Variants in DHX58 observed in about 807,000 individuals in gnomAD.
DHX58 encodes the protein DExH-box helicase 58, also known as ATP-dependent RNA helicase DHX58.
DHX58 carries 51 observed loss-of-function variants against 65.0 expected under a neutral mutation model. That is an observed-to-expected ratio of 0.78 (90% CI 0.63 to 0.99). The LOEUF (loss-of-function observed/expected upper bound fraction) is 0.99. Ranked by LOEUF, DHX58 falls within the 50% of genes least tolerant of loss-of-function variation. The pLI, the probability that DHX58 is intolerant of heterozygous loss-of-function variation, is 0.00. For synonymous variants in DHX58, 350 were observed against 365.0 expected, an observed-to-expected ratio of 0.96 and a Z score of 0.47; for missense variants, 773 against 891.8, an observed-to-expected ratio of 0.87 and a Z score of 1.70.
chr17:42,102,526 C>T (rs564458097), intron 12 of DHX58: 169 of 536,016 alleles, frequency 3.2e-4, no homozygotes, highest in African/African-American at 2.9e-3. Flanking sequence ...GCCTCAGCAT[C>T]GGTTACCTGG....
intron 9 of DHX58, 41 bp from the exon 10 acceptor site, chr17:42,105,208 G>C: frequency 3.2e-6 from 5 of 1,564,866 alleles, no homozygotes; most frequent in Non-Finnish European, 4.3e-6. Flanking sequence ...GCTGGTACAT[G>C]AGGAGGCTCA....
At position 42,104,747 on chromosome 17, in the gene DHX58, A is replaced by T. The variant is rs1325713473; in HGVS notation, c.1563+19T>A. The T allele has an allele frequency of 6.2e-7, 1 of 1,612,716 alleles. No individual in the cohort carries two copies. Among genetic ancestry groups the T allele is most frequent in the Non-Finnish European group, 8.5e-7 (1 of 1,179,614 alleles). On this transcript the variant is annotated intron_variant, in intron 11 of 13. Coordinates refer to ENST00000251642, the MANE Select transcript of DHX58 (RefSeq NM_024119.3). ...CTCCTCCCCATCCCTCCCACAGGGCATGCAGGCTGCCTGCAGACCTTGGCC... is the reference window on the plus strand; with the variant it reads ...CTCCTCCCCATCCCTCCCACAGGGCTTGCAGGCTGCCTGCAGACCTTGGCC...
chr17:42,107,965 A>G lies in DHX58; in HGVS notation c.805+17T>C. On this transcript the variant is annotated intron_variant, in intron 7 of 13. Transcript: ENST00000251642. ...CTCCCACATCCTCGCCTCCGCCAGA[A>G]GGGCTGCCCCTCTCACCAGCCTCAC... 6.2e-7 allele frequency: 1 copy of G among 1,614,012 alleles called. No individual in the cohort carries two copies.
chr17:42,109,386 G>C lies in DHX58; in HGVS notation c.562C>G (p.Leu188Val), dbSNP rs1294952152. ...LDGAINHVLQ[L>V]CANLDTWCIM... ...CACCACGTGTCCAAGTTGGCACAGAGCTGGGGGCAACAGAGGACTTTACTG... is the reference window on the plus strand; with the variant it reads ...CACCACGTGTCCAAGTTGGCACAGACCTGGGGGCAACAGAGGACTTTACTG... Residue 188 changes from leucine (L) to valine (V), a missense_variant and splice_region_variant, in exon 6 of 14, where the codon CTC (leucine) becomes GTC (valine). By Grantham distance (32) the Leu-to-Val change is conservative (BLOSUM62 1). Transcript: ENST00000251642. 6.2e-7 allele frequency: 1 copy of C among 1,612,942 alleles called. No individual in the cohort carries two copies. Among genetic ancestry groups the C allele is most frequent in the Non-Finnish European group, 8.5e-7 (1 of 1,179,406 alleles).
chr17:42,111,516 C>A lies in DHX58; in HGVS notation c.169-19G>T. The A allele has an allele frequency of 6.2e-7, 1 of 1,612,370 alleles. No individual in the cohort carries two copies. On this transcript the variant is annotated intron_variant, in intron 3 of 13. Coordinates refer to ENST00000251642, the MANE Select transcript of DHX58 (RefSeq NM_024119.3). ...GGTGCACCTGGGGGTGGAGAATGAG[C>A]TGGGAAAAGAGAGCTGAATCTGGGG...
chr17:42,104,796 C>T lies in DHX58; in HGVS notation c.1533G>A (p.Gln511=), dbSNP rs1555662218. Residue 511 remains glutamine, a synonymous_variant, in exon 11 of 14, where the codon CAG becomes CAA. Transcript: ENST00000251642. ...CCTGGTACTCGGCCTGGTCCATTTT[C>T]TGCACAGCAGCCACTGCCTGCTCCA... ...TLMEQAVAAV[Q]KMDQAEYQAK... 6.2e-7 allele frequency: 1 copy of T among 1,614,068 alleles called. No homozygotes were observed. Among genetic ancestry groups the T allele is most frequent in the Non-Finnish European group, 8.5e-7 (1 of 1,180,012 alleles).
intron 3 of DHX58, 80 bp from the exon 4 acceptor site, chr17:42,111,577 C>A: frequency 6.3e-7 from 1 of 1,590,960 alleles, no homozygotes; most frequent in Non-Finnish European, 8.6e-7. Flanking sequence ...ACCCGCAGGA[C>A]ATGGCTGGGT....
Position 42,104,890 on chromosome 17 carries a change from G to T in DHX58, c.1439C>A (p.Ala480Glu), listed in dbSNP as rs774769302. Reference sequence around the variant, plus strand: ...CCGGCTACCTTCAGTTGCTACAAACGCGTATACACTCTGATCGGCCCGGGC... The same window carrying T: ...CCGGCTACCTTCAGTTGCTACAAACTCGTATACACTCTGATCGGCCCGGGC... ...GRARADQSVY[A>E]FVATEGSREL... Residue 480 changes from alanine to glutamate, a missense_variant, in exon 11 of 14, where the codon GCG becomes GAG. By Grantham distance (107) the Ala-to-Glu change is moderately radical (BLOSUM62 -1). Transcript: ENST00000251642. The T allele has an allele frequency of 3.1e-6, 5 of 1,614,012 alleles. No individual in the cohort carries two copies. The African/African-American group carries it at 4.0e-5, about 13-fold the overall frequency.
In DHX58 at chr17:42,102,547, C is replaced by T. The variant is rs1167244545; in HGVS notation, c.1755-235G>A. The T allele has an allele frequency of 1.2e-5, 6 of 501,350 alleles. No individual in the cohort carries two copies. The Admixed American group carries it at 2.0e-4, about 17-fold the overall frequency. 31.1% of individuals were successfully genotyped at this position (501,350 alleles called of 1,614,324 possible). A position where few individuals can be genotyped will look rare whatever the true frequency, so the allele number is the denominator to read the frequency against. ...GCATCGGTTACCTGGTCTTCACAGT[C>T]TCCTTATGGGTCTCTCTGCCTCCAT... On this transcript the variant is annotated intron_variant, in intron 12 of 13. Transcript: ENST00000251642.
intron 4 of DHX58, 138 bp from the exon 5 acceptor site, chr17:42,111,051 G>C (rs1598221939): frequency 1.2e-5 from 13 of 1,111,594 alleles, no homozygotes; most frequent in Non-Finnish European, 1.4e-5. Flanking sequence ...TGAGGAGCCA[G>C]GCAGGGAAGA....
rs547408867 is a variant in DHX58, at chr17:42,105,619, C to G, written c.1251+117G>C. ...TGCCCCTCTGCCTGGGGATAGTCAACTTTCTCTTTCCCCAGGGTCTCCCTG... is the reference window on the plus strand; with the variant it reads ...TGCCCCTCTGCCTGGGGATAGTCAAGTTTCTCTTTCCCCAGGGTCTCCCTG... On this transcript the variant is annotated intron_variant, in intron 9 of 13. Coordinates refer to ENST00000251642, the MANE Select transcript of DHX58 (RefSeq NM_024119.3). 2.2e-5 allele frequency: 32 copies of G among 1,472,480 alleles called. No individual in the cohort carries two copies. The South Asian group carries it at 4.2e-4, about 19-fold the overall frequency. 91.2% of individuals were successfully genotyped at this position (1,472,480 alleles called of 1,614,324 possible).
chr17:42,104,466 T>A (rs1555662167), intron 11 of DHX58, among the ~76,000 whole-genome samples: 3 of 152,180 alleles, frequency 2.0e-5, no homozygotes, highest in Non-Finnish European at 4.4e-5. Flanking sequence ...GGACTTATCT[T>A]GTCCCCTCTG....
At position 42,105,916 on chromosome 17, in the gene DHX58, G is replaced by C; in HGVS notation, c.1071C>G (p.Ile357Met). The change falls in exon 9 of 14, where the codon ATC becomes ATG. Residue 357 changes from isoleucine to methionine, a missense_variant. Ile to Met is a conservative substitution (Grantham distance 10). Transcript: ENST00000251642. ...ENPKLEMLEKILQRQFSSSNS... is the reference protein window; with the variant it reads ...ENPKLEMLEKMLQRQFSSSNS... ...TAGAGCTACTGAACTGCCTTTGCAG[G>C]ATCTTTTCCAGCATCTCCAGTTTTG... 1 of 1,613,838 alleles carries C rather than the reference G, an allele frequency of 6.2e-7. No homozygotes were observed. Among genetic ancestry groups the C allele is most frequent in the African/African-American group, 1.3e-5 (1 of 75,022 alleles).
intron 4 of DHX58, 90 bp downstream of exon 4, chr17:42,111,206 C>T (rs2054145830): frequency 6.6e-7 from 1 of 1,505,026 alleles, no homozygotes; most frequent in East Asian, 2.3e-5. Context: ...CACTAAAACT[C>T]CCAACACCTT....
In DHX58 at chr17:42,111,338, C is replaced by T. The variant is rs782172413; in HGVS notation, c.328G>A (p.Ala110Thr). 3.1e-6 allele frequency: 5 copies of T among 1,614,112 alleles called. No homozygotes were observed. The South Asian group carries it at 5.5e-5, about 18-fold the overall frequency. The part of the protein sequence containing the change: ...LICTAELLQM[A>T]LTSPEEEEHV... ...TCCTCCTCCTCGGGGCTGGTCAGTG[C>T]CATCTGCAGAAGCTCTGCTGTGCAG... is the stretch of plus-strand genomic sequence containing the variant. The change falls in exon 4 of 14, where the codon GCA becomes ACA. Residue 110 changes from alanine (A) to threonine (T), a missense_variant. By Grantham distance (58) the Ala-to-Thr change is moderately conservative. Coordinates refer to ENST00000251642, the MANE Select transcript of DHX58 (RefSeq NM_024119.3).
rs139980422 is a variant in DHX58, at chr17:42,109,277, C to T, written c.671G>A (p.Arg224His). The T allele has an allele frequency of 4.5e-4, 727 of 1,610,488 alleles. No individual in the cohort carries two copies. The highest frequency in any genetic ancestry group is 5.9e-4 in the Admixed American group (35 of 59,618). Residue 224 changes from arginine (R) to histidine (H), a missense_variant, in exon 6 of 14, where the codon CGC becomes CAC. By Grantham distance (29) the Arg-to-His change is conservative. Coordinates refer to ENST00000251642, the MANE Select transcript of DHX58 (RefSeq NM_024119.3). ...GTCCCTGCCCCCGCGTACCTGGCTG[C>T]GCCTGTGGCAGAGGTTGTACTGTTT... ...PCKQYNLCHR[R>H]SQDPFGDLLK... is the part of the protein sequence containing the mutation.
At chr17:42,109,058 A>G (rs1037057870) in intron 6 of DHX58, among the ~76,000 whole-genome samples, 1 of 152,244 alleles carries the variant, frequency 6.6e-6, no homozygotes, top group Non-Finnish European at 1.5e-5. Flanking sequence ...GTGATGTGAC[A>G]GACACCAGTG....
Position 42,107,730 on chromosome 17 carries a change from G to C in DHX58, c.871C>G (p.Leu291Val), listed in dbSNP as rs145560397. Residue 291 changes from leucine (L) to valine (V), a missense_variant, in exon 8 of 14, where the codon CTG becomes GTG. Physicochemically the swap from Leu to Val is conservative, Grantham distance 32. Transcript: ENST00000251642. Reference sequence around the variant, plus strand: ...GCGCGGACGGTGTCATGGATGAGCAGCGCGTCATTGTAGCGCCTCAGGTGA... The same window carrying C: ...GCGCGGACGGTGTCATGGATGAGCACCGCGTCATTGTAGCGCCTCAGGTGA... ...ALHLRRYNDA[L>V]LIHDTVRAVD... 3.7e-6 allele frequency: 6 copies of C among 1,607,116 alleles called. No individual in the cohort carries two copies. Among genetic ancestry groups the C allele is most frequent in the Non-Finnish European group, 5.1e-6 (6 of 1,176,740 alleles).
Position 42,105,866 on chromosome 17 carries a change from G to T in DHX58, c.1121C>A (p.Thr374Asn). 1.9e-6 allele frequency: 3 copies of T among 1,613,982 alleles called. No individual in the cohort carries two copies. Among genetic ancestry groups the T allele is most frequent in the Non-Finnish European group, 2.5e-6 (3 of 1,180,010 alleles). The change falls in exon 9 of 14, where the codon ACC becomes AAC. Residue 374 changes from threonine to asparagine, a missense_variant. By Grantham distance (65) the Thr-to-Asn change is moderately conservative (BLOSUM62 0). Coordinates refer to ENST00000251642, the MANE Select transcript of DHX58 (RefSeq NM_024119.3). ...SSNSPRGIIF[T>N]RTRQSAHSLL... Reference sequence around the variant, plus strand: ...GGAGTGTGCGCTTTGGCGGGTGCGGGTGAAGATGATACCCCGAGGGCTGTT... The same window carrying T: ...GGAGTGTGCGCTTTGGCGGGTGCGGTTGAAGATGATACCCCGAGGGCTGTT...
Sources: gnomAD v4.1 joint callset for allele counts (sites outside exome capture counted in the v4.1 genomes callset) on GRCh38, gnomAD v4.1.1 for gene constraint, MANE v1.5 for transcripts, NCBI Gene and HGNC (gene_info 2026-07-23, HGNC 2026-07-21) for gene names.